NLRC5: variants seen among roughly 807,000 people sequenced by gnomAD.
The protein encoded by NLRC5 is protein NLRC5.
A neutral mutation model predicts 206.9 loss-of-function variants in NLRC5; 114 were observed. The observed-to-expected ratio is 0.55, with a 90% CI of 0.47 to 0.64. NLRC5 has a LOEUF of 0.64. Ranked by LOEUF, NLRC5 falls within the 30% of genes least tolerant of loss-of-function variation. The probability of loss-of-function intolerance (pLI) is 0.00; values close to 1 mark genes in which losing one functional copy is unlikely to be tolerated. For missense variants in NLRC5, 2,008 were observed against 2,305.5 expected (o/e 0.87, Z 2.64); for synonymous variants, 952 against 962.8 (o/e 0.99, Z 0.21).
Position 57,026,006 on chromosome 16 carries a change from C to T in NLRC5, c.1063C>T (p.Leu355=). ...TSRPGKLPAC[L]PAEAAMVHML... Reference sequence around the variant, plus strand: ...CCGTCCAGGGAAGCTGCCTGCCTGCCTGCCTGCAGAGGCAGCCATGGTCCA... The same window carrying T: ...CCGTCCAGGGAAGCTGCCTGCCTGCTTGCCTGCAGAGGCAGCCATGGTCCA... Residue 355 remains leucine, a synonymous_variant, in exon 6 of 49, where the codon CTG becomes TTG. Coordinates refer to ENST00000688547, the MANE Select transcript of NLRC5 (RefSeq NM_001384950.1). The T allele has an allele frequency of 1.2e-6, 2 of 1,614,100 alleles. No individual in the cohort carries two copies. Among genetic ancestry groups the T allele is most frequent in the Non-Finnish European group, 1.7e-6 (2 of 1,180,044 alleles).
Position 57,066,542 on chromosome 16 carries a change from A to G in NLRC5, c.4250A>G (p.Glu1417Gly). Residue 1417 changes from glutamate to glycine, a missense_variant, in exon 34 of 49, where the codon GAG becomes GGG. Coordinates refer to ENST00000688547, the MANE Select transcript of NLRC5 (RefSeq NM_001384950.1). Reference sequence around the variant, plus strand: ...TACTGCTCACTCCTCAGCATCTCCGAGACCCAGCAGCAGCTCTGTGTCCAG... The same window carrying G: ...TACTGCTCACTCCTCAGCATCTCCGGGACCCAGCAGCAGCTCTGTGTCCAG... Reference protein sequence around the residue: ...SGSVTEISISETQQQLCVQLE... With the variant: ...SGSVTEISISGTQQQLCVQLE... 6.2e-7 allele frequency: 1 copy of G among 1,613,992 alleles called. No homozygotes were observed. Among genetic ancestry groups the G allele is most frequent in the Non-Finnish European group, 8.5e-7 (1 of 1,179,988 alleles).
intron 5 of NLRC5, among the ~76,000 whole-genome samples, chr16:57,024,375 G>A (rs1324581661): frequency 6.6e-6 from 1 of 152,218 alleles, no homozygotes; most frequent in African/African-American, 2.4e-5. Context: ...TTCTCCACGA[G>A]TTGTCCCACT....
chr16:56,999,170 C>A (rs546629197), intron 1 of NLRC5, among the ~76,000 whole-genome samples: 3 of 152,202 alleles, frequency 2.0e-5, no homozygotes, highest in Non-Finnish European at 2.9e-5. Context: ...ACGGCTCCTC[C>A]CTCCTGACCT....
intron 1 of NLRC5, among the ~76,000 whole-genome samples, chr16:56,996,125 AC>A (rs1374819382): frequency 1.3e-5 from 2 of 152,144 alleles, no homozygotes; most frequent in Non-Finnish European, 2.9e-5. Context: ...ATACCCAGCT[AC>A]AGTTCAACAG....
At chr16:57,064,278 T>G (rs1323125444) in intron 32 of NLRC5, among the ~76,000 whole-genome samples, 1 of 152,036 alleles carries the variant, frequency 6.6e-6, no homozygotes, top group Non-Finnish European at 1.5e-5. Flanking sequence ...ATAAAGAAAA[T>G]AGTGCTTTAA....
At chr16:57,031,892 G>A (rs2061922612) in intron 11 of NLRC5, among the ~76,000 whole-genome samples, 1 of 151,794 alleles carries the variant, frequency 6.6e-6, no homozygotes, top group Non-Finnish European at 1.5e-5. Context: ...CATGCAGTGG[G>A]CAGTCAAATG....
chr16:57,020,804 A>G lies in NLRC5; in HGVS notation c.92A>G (p.Lys31Arg), dbSNP rs755186811. 34 of 1,613,314 alleles carry G rather than the reference A, an allele frequency of 2.1e-5. No homozygotes were observed. Among genetic ancestry groups the G allele is most frequent in the South Asian group, 2.0e-4 (18 of 91,002 alleles). ...LTKDPEWLNA[K>R]MKFFLPNTDL... ...AAAGACCCAGAATGGCTGAACGCCA[A>G]GATGAAGTTCTTCCTCCCCAACACG... Residue 31 changes from lysine (K) to arginine (R), a missense_variant, in exon 3 of 49, where the codon AAG becomes AGG. Lys to Arg is a conservative substitution (Grantham distance 26, BLOSUM62 2). Transcript: ENST00000688547.
intron 48 of NLRC5, 74 bp downstream of exon 48, chr16:57,081,684 G>A: frequency 3.0e-6 from 4 of 1,331,144 alleles, no homozygotes; most frequent in South Asian, 1.2e-5. Context: ...GGGACTCCCT[G>A]GAGGAGGCGG....
intron 34 of NLRC5, 59 bp downstream of exon 34, chr16:57,066,673 T>A (rs370780723): frequency 3.5e-5 from 51 of 1,440,146 alleles, no homozygotes; most frequent in Middle Eastern, 1.7e-4. Flanking sequence ...GGGGCAGGGC[T>A]GCTTCTGACC....
chr16:57,079,567 C>T lies in NLRC5; in HGVS notation c.5259C>T (p.Asp1753=), dbSNP rs2068871535. ...CCAGCCTGGTTTCCTGTAAGATTGACAACCAGACTGCCAAGCTCCTCACCT... is the reference window on the plus strand; with the variant it reads ...CCAGCCTGGTTTCCTGTAAGATTGATAACCAGACTGCCAAGCTCCTCACCT... ...RQIDLVSCKI[D]NQTAKLLTSS... Residue 1753 remains aspartate, a synonymous_variant, in exon 46 of 49, where the codon GAC becomes GAT. Transcript: ENST00000688547. 1.2e-6 allele frequency: 2 copies of T among 1,614,020 alleles called. No individual in the cohort carries two copies. The highest frequency in any genetic ancestry group is 1.7e-6 in the Non-Finnish European group (2 of 1,179,998).
intron 10 of NLRC5, among the ~76,000 whole-genome samples, chr16:57,030,731 C>T (rs867530226): frequency 2.6e-5 from 4 of 152,180 alleles, no homozygotes; most frequent in African/African-American, 9.7e-5. Context: ...CTGTGTGTTG[C>T]CCTCCATGGT....
intron 1 of NLRC5, among the ~76,000 whole-genome samples, chr16:57,000,187 C>T (rs1195096091): frequency 6.6e-6 from 1 of 152,162 alleles, no homozygotes; most frequent in Non-Finnish European, 1.5e-5. Context: ...GGGTGCTAGA[C>T]CCAAACTGCC....
At chr16:57,077,261 G>T (rs371219389) in intron 40 of NLRC5, 35 bp from the exon 41 acceptor site, 1 of 1,593,312 alleles carries the variant, frequency 6.3e-7, no homozygotes, top group East Asian at 2.2e-5. Context: ...AAGATGAGAC[G>T]GCAGAAGGCT....
At position 57,034,481 on chromosome 16, in the gene NLRC5, T is replaced by C. The variant is rs113304390; in HGVS notation, c.2627+230T>C. On this transcript the variant is annotated intron_variant, in intron 13 of 48. Coordinates refer to ENST00000688547, the MANE Select transcript of NLRC5 (RefSeq NM_001384950.1). ...GCATTCACTCCTCACATCTCTGTGA[T>C]GTAAGCACTGTTACTGTCCTCATTT... 2,080 of 529,652 alleles carry C rather than the reference T, an allele frequency of 3.9e-3. 39 individuals are homozygous for C. The highest frequency in any genetic ancestry group is 0.036 in the African/African-American group (1,878 of 52,378). The allele number at this position is 529,652 out of a possible 1,614,324, so 32.8% of individuals were successfully genotyped here.
At chr16:57,081,708 G>T in intron 48 of NLRC5, 98 bp downstream of exon 48, 3 of 1,052,732 alleles carry the variant, frequency 2.8e-6, no homozygotes, top group Non-Finnish European at 4.3e-6. Context: ...GGCCTGGGCT[G>T]GGGATTATCA....
rs77796033 is a variant in NLRC5 at position 57,075,005 on chromosome 16, C to CTTTTTTTTTTTT, written c.4751+353_4751+364dup. On this transcript the variant is annotated intron_variant, in intron 39 of 48. Transcript: ENST00000688547. ...GGTCTGGAATTCTGCCTAGACTGTG[C>CTTTTTTTTTTTT]TTTTTTTTTTTTTTTTTTTTTTTTT... Among the ~76,000 whole-genome samples the CTTTTTTTTTTTT allele has an allele frequency of 8.6e-5, 5 of 58,104 alleles. 1 individual carries two copies. The highest frequency in any genetic ancestry group is 1.4e-4 in the African/African-American group (2 of 14,294). The allele number at this position is 58,104 out of a possible 152,430, so 38.1% of individuals were successfully genotyped here.
chr16:57,082,319 C>T, intron 48 of NLRC5, 98 bp from the exon 49 acceptor site: 1 of 938,636 alleles, frequency 1.1e-6, no homozygotes, highest in Non-Finnish European at 1.7e-6. Context: ...TAACTCTAGG[C>T]ACAGCTCTAC....
In NLRC5 at chr16:57,054,870, C is replaced by T. The variant is rs142127269; in HGVS notation, c.3596+30C>T. Reference sequence around the variant, plus strand: ...GCATTCCCCTGGGACAGCCAGGACTCGTCCTGAAGGGTTGTGCCTGGAGTC... The same window carrying T: ...GCATTCCCCTGGGACAGCCAGGACTTGTCCTGAAGGGTTGTGCCTGGAGTC... On this transcript the variant is annotated intron_variant, in intron 25 of 48. Transcript: ENST00000688547. The T allele has an allele frequency of 3.2e-4, 505 of 1,600,854 alleles. 2 individuals carry two copies. In the East Asian group the frequency reaches 1.0e-2, roughly 32 times the overall value.
At chr16:56,991,822 C>G (rs2056911969) in intron 1 of NLRC5, 1 of 152,024 alleles carries the variant, frequency 6.6e-6, no homozygotes, top group South Asian at 2.1e-4. Context: ...ATGACTTTTC[C>G]CATTTGTTAT....
Sources: allele counts gnomAD v4.1 joint callset (sites outside exome capture counted in the v4.1 genomes callset), GRCh38; gene constraint gnomAD v4.1.1; transcripts MANE v1.5; gene names NCBI Gene and HGNC (gene_info 2026-07-23, HGNC 2026-07-21).